The following GRM1 variants were observed in gnomAD, a reference collection of about 807,000 sequenced individuals.
The protein encoded by GRM1 is glutamate metabotropic receptor 1.
GRM1 carries 33 observed loss-of-function variants against 90.9 expected under a neutral mutation model. The observed-to-expected ratio is 0.36, with a 90% CI of 0.28 to 0.49. GRM1 has a LOEUF of 0.49. GRM1 is among the 20% of genes least tolerant of loss of function. The pLI, the probability that GRM1 is intolerant of heterozygous loss-of-function variation, is 0.99. For missense variants in GRM1, 1,190 were observed against 1,534.3 expected, an observed-to-expected ratio of 0.78 and a Z score of 3.75; for synonymous variants, 700 against 613.2, an observed-to-expected ratio of 1.14 and a Z score of -2.09.
At chr6:146,116,248 C>T (rs1355595888) in intron 1 of GRM1, among the ~76,000 whole-genome samples, 3 of 152,114 alleles carry the variant, frequency 2.0e-5, no homozygotes, top group Non-Finnish European at 4.4e-5. Context: ...TGAACCATTG[C>T]ACCTGGCCCC....
At chr6:146,122,991 C>A (rs553503442) in intron 1 of GRM1, among the ~76,000 whole-genome samples, 25 of 151,638 alleles carry the variant, frequency 1.6e-4, no homozygotes, top group African/African-American at 6.0e-4. Flanking sequence ...ATTACAGGTG[C>A]ACACCACCAC....
intron 3 of GRM1, among the ~76,000 whole-genome samples, chr6:146,345,696 G>A (rs1785164607): frequency 6.6e-6 from 1 of 151,808 alleles, no homozygotes. Context: ...AAATAGAGGT[G>A]GTGCTATGAG....
At chr6:146,084,751 G>A (rs1776485353) in intron 1 of GRM1, among the ~76,000 whole-genome samples, 1 of 152,090 alleles carries the variant, frequency 6.6e-6, no homozygotes, top group African/African-American at 2.4e-5. Flanking sequence ...TGTCTATTAG[G>A]TCCATTTGAT....
At chr6:146,341,828 G>A (rs767298805) in intron 3 of GRM1, among the ~76,000 whole-genome samples, 9 of 152,158 alleles carry the variant, frequency 5.9e-5, no homozygotes, top group African/African-American at 1.2e-4. Flanking sequence ...AGGCATGGGC[G>A]CTGCTTCTCT....
rs368432290 is a variant in GRM1 at position 146,089,967 on chromosome 6, A to G, written c.700+59750A>G. On this transcript the variant is annotated intron_variant, in intron 1 of 7. Transcript: ENST00000282753. ...TGCCAATGTTTCTCCTCTATTTTTT[A>G]TGTCTTTTTTTATTGTAATATGTAT... is the stretch of plus-strand genomic sequence containing the variant. Among the ~76,000 whole-genome samples, 4 of 151,914 alleles carry G rather than the reference A, an allele frequency of 2.6e-5. No homozygotes were observed. In the East Asian group the frequency reaches 7.7e-4, roughly 29 times the overall value.
intron 1 of GRM1, among the ~76,000 whole-genome samples, chr6:146,036,304 C>T (rs1790889871): frequency 6.6e-6 from 1 of 151,970 alleles, no homozygotes; most frequent in Non-Finnish European, 1.5e-5. Context: ...ACTCATGGCA[C>T]ATGCTGTTCT....
intron 3 of GRM1, among the ~76,000 whole-genome samples, chr6:146,330,339 T>C (rs1784544466): frequency 6.6e-6 from 1 of 152,158 alleles, no homozygotes; most frequent in African/African-American, 2.4e-5. Flanking sequence ...CCGGAGAGAA[T>C]TGGTGTATTT....
At chr6:146,098,357 G>T (rs1034453531) in intron 1 of GRM1, among the ~76,000 whole-genome samples, 2 of 152,040 alleles carry the variant, frequency 1.3e-5, no homozygotes, top group Non-Finnish European at 2.9e-5. Context: ...ACATAAAAAG[G>T]CTATGATTAC....
rs544410530 is a variant in GRM1, at chr6:146,178,651, T to C, written c.950+19054T>C. ...ATAAGTTTTAGGTTTTGGGACATTT[T>C]GGATTTTGGATTAGGAATGCTCAGC... On this transcript the variant is annotated intron_variant, in intron 2 of 7. Coordinates refer to ENST00000282753, the MANE Select transcript of GRM1 (RefSeq NM_001278064.2). Among the ~76,000 whole-genome samples, 3 of 152,356 alleles carry C rather than the reference T, an allele frequency of 2.0e-5. No individual in the cohort carries two copies. In the South Asian group the frequency reaches 6.2e-4, roughly 32 times the overall value.
At chr6:146,175,293 GA>G (rs149894074) in intron 2 of GRM1, among the ~76,000 whole-genome samples, 8,107 of 152,232 alleles carry the variant, frequency 0.053, 712 homozygotes, top group African/African-American at 0.18. Flanking sequence ...TTATTCTAAT[GA>G]GGTTAAAGCA....
intron 2 of GRM1, among the ~76,000 whole-genome samples, chr6:146,213,383 G>C (rs931270857): frequency 2.0e-5 from 3 of 152,058 alleles, no homozygotes; most frequent in African/African-American, 7.2e-5. Flanking sequence ...AGGCATCAGA[G>C]AGCTGGAAGT....
chr6:146,389,801 T>C (rs374338045), intron 6 of GRM1, among the ~76,000 whole-genome samples: 3 of 152,086 alleles, frequency 2.0e-5, no homozygotes, highest in Non-Finnish European at 2.9e-5. Flanking sequence ...TTTCACAATA[T>C]AGATTCCTCA....
chr6:146,401,354 T>C (rs1326679277), intron 7 of GRM1, among the ~76,000 whole-genome samples: 3 of 151,824 alleles, frequency 2.0e-5, no homozygotes, highest in Non-Finnish European at 4.4e-5. Flanking sequence ...CTAGCCAAAC[T>C]CCCCTCAGGA....
chr6:146,254,300 A>C (rs1394101328), intron 2 of GRM1, among the ~76,000 whole-genome samples: 1 of 152,098 alleles, frequency 6.6e-6, no homozygotes, highest in East Asian at 1.9e-4. Flanking sequence ...GAGAGTATCA[A>C]ATTGGCAGAT....
intron 2 of GRM1, among the ~76,000 whole-genome samples, chr6:146,174,453 G>T (rs1778258908): frequency 6.6e-6 from 1 of 152,146 alleles, no homozygotes; most frequent in Non-Finnish European, 1.5e-5. Flanking sequence ...CTAGATAAGT[G>T]CAAAGGAGCT....
At chr6:146,217,174 T>C (rs1779901845) in intron 2 of GRM1, among the ~76,000 whole-genome samples, 1 of 152,154 alleles carries the variant, frequency 6.6e-6, no homozygotes, top group African/African-American at 2.4e-5. Context: ...CATAGGTCAG[T>C]GAGGTAGGAG....
intron 3 of GRM1, among the ~76,000 whole-genome samples, chr6:146,330,966 A>G (rs997399389): frequency 6.6e-6 from 1 of 152,212 alleles, no homozygotes. Context: ...ATATAACAGC[A>G]AGCTAAGCTG....
intron 1 of GRM1, among the ~76,000 whole-genome samples, chr6:146,040,373 G>T (rs9485041): frequency 1.3e-5 from 2 of 151,912 alleles, no homozygotes; most frequent in Admixed American, 6.6e-5. Context: ...TTATGCCTTC[G>T]GATGATGTTC....
At chr6:146,155,484 A>G (rs1403461409) in intron 1 of GRM1, among the ~76,000 whole-genome samples, 1 of 152,212 alleles carries the variant, frequency 6.6e-6, no homozygotes, top group African/African-American at 2.4e-5. Context: ...CTAACAACAC[A>G]TTTCTCGGAA....
Sources: gnomAD v4.1 joint callset for allele counts (sites outside exome capture counted in the v4.1 genomes callset) on GRCh38, gnomAD v4.1.1 for gene constraint, MANE v1.5 for transcripts, NCBI Gene and HGNC (gene_info 2026-07-23, HGNC 2026-07-21) for gene names.